The following KCNIP4 variants were observed in gnomAD, a reference collection of about 807,000 sequenced individuals.
KCNIP4 encodes the protein Kv channel-interacting protein 4.
Under a neutral mutation model 34.0 loss-of-function variants are expected in KCNIP4, and 12 were observed. That is an observed-to-expected ratio of 0.35 (90% CI 0.23 to 0.57). The LOEUF (loss-of-function observed/expected upper bound fraction) is 0.57. Ranked by LOEUF, KCNIP4 falls within the 20% of genes least tolerant of loss-of-function variation. KCNIP4 has a pLI of 0.83. For missense variants in KCNIP4, 238 were observed against 311.7 expected, an observed-to-expected ratio of 0.76 and a Z score of 1.78; for synonymous variants, 124 against 102.2, an observed-to-expected ratio of 1.21 and a Z score of -1.29.
intron 1 of KCNIP4, among the ~76,000 whole-genome samples, chr4:21,877,558 C>T (rs1018870074): frequency 2.5e-4 from 38 of 152,110 alleles, no homozygotes; most frequent in African/African-American, 8.9e-4. Context: ...GTCTCTCCTC[C>T]TAATTTCCCT....
At chr4:20,731,984 T>G in intron 8 of KCNIP4, 22 bp downstream of exon 8, 2 of 1,612,752 alleles carry the variant, frequency 1.2e-6, no homozygotes, top group Non-Finnish European at 1.7e-6. Flanking sequence ...GAATTGATAG[T>G]TATTACACTT....
chr4:20,786,073 G>A (rs1711946494), intron 3 of KCNIP4, among the ~76,000 whole-genome samples: 1 of 151,974 alleles, frequency 6.6e-6, no homozygotes, highest in South Asian at 2.1e-4. Flanking sequence ...GGTGAATTGG[G>A]TAAAGAAAAT....
chr4:21,224,996 T>C (rs1306948929), intron 1 of KCNIP4, among the ~76,000 whole-genome samples: 2 of 152,190 alleles, frequency 1.3e-5, no homozygotes, highest in Admixed American at 1.3e-4. Flanking sequence ...ATAGACCTTG[T>C]GTTACATCAT....
At chr4:21,222,772 A>C (rs530448798) in intron 1 of KCNIP4, among the ~76,000 whole-genome samples, 1 of 152,110 alleles carries the variant, frequency 6.6e-6, no homozygotes, top group Non-Finnish European at 1.5e-5. Context: ...ACTTAACACA[A>C]TTTTTAACAG....
rs1479429591 is a variant in KCNIP4, at chr4:21,109,464, A to C, written c.62-226755T>G. Among the ~76,000 whole-genome samples, 6 of 152,176 alleles carry C rather than the reference A, an allele frequency of 3.9e-5. No individual in the cohort carries two copies. In the South Asian group the frequency reaches 1.2e-3, roughly 31 times the overall value. ...TTTAAGCCCGTCAGAAAAGCACAGT[A>C]TTAGGGTGGGAGTGACCCGATTTTC... On this transcript the variant is annotated intron_variant, in intron 1 of 8. Transcript: ENST00000382152.
At chr4:20,886,610 G>A (rs1294441673) in intron 1 of KCNIP4, among the ~76,000 whole-genome samples, 2 of 152,182 alleles carry the variant, frequency 1.3e-5, no homozygotes, top group African/African-American at 4.8e-5. Flanking sequence ...TTCTAGCCCT[G>A]CCAGCCTTCC....
Position 21,343,344 on chromosome 4 carries a change from G to GA in KCNIP4, c.62-460636dup, listed in dbSNP as rs776427816. On this transcript the variant is annotated intron_variant, in intron 1 of 8. Transcript: ENST00000382152. ...GATACTACTTAAAAAAGGAAAGAGAGAAAAAAAATAAGAAAAAGTGAGGAG... is the reference window on the plus strand; with the variant it reads ...GATACTACTTAAAAAAGGAAAGAGAGAAAAAAAAATAAGAAAAAGTGAGGAG... Among the ~76,000 whole-genome samples the GA allele has an allele frequency of 1.4e-4, 22 of 151,750 alleles. No individual in the cohort carries two copies. The East Asian group carries it at 2.7e-3, about 19-fold the overall frequency.
intron 1 of KCNIP4, among the ~76,000 whole-genome samples, chr4:21,936,838 T>C (rs1354933526): frequency 1.3e-5 from 2 of 152,070 alleles, no homozygotes; most frequent in Non-Finnish European, 2.9e-5. Flanking sequence ...ATGGGCCTTC[T>C]ACATGCCAGT....
chr4:20,858,258 A>AATGTGGGC (rs994890171), intron 2 of KCNIP4, among the ~76,000 whole-genome samples: 3 of 148,110 alleles, frequency 2.0e-5, no homozygotes, highest in African/African-American at 7.4e-5. Flanking sequence ...AGACACGAGG[A>AATGTGGGC]ATGTGGGCTT....
At chr4:21,282,710 A>G (rs926523240) in intron 1 of KCNIP4, among the ~76,000 whole-genome samples, 17 of 152,118 alleles carry the variant, frequency 1.1e-4, no homozygotes, top group African/African-American at 3.6e-4. Flanking sequence ...GTGCTGGCAA[A>G]TTGTGCTGTT....
intron 1 of KCNIP4, among the ~76,000 whole-genome samples, chr4:21,417,211 G>T (rs1481299210): frequency 6.6e-6 from 1 of 151,884 alleles, no homozygotes. Flanking sequence ...ATAAGGTCGT[G>T]CAGAGCACAA....
chr4:20,794,177 C>T (rs918960952), intron 3 of KCNIP4, among the ~76,000 whole-genome samples: 1 of 152,156 alleles, frequency 6.6e-6, no homozygotes, highest in Admixed American at 6.5e-5. Context: ...TTCCCAGTCT[C>T]GGGTATATCT....
intron 3 of KCNIP4, among the ~76,000 whole-genome samples, chr4:20,771,057 T>C (rs1280898408): frequency 6.6e-6 from 1 of 152,168 alleles, no homozygotes; most frequent in Non-Finnish European, 1.5e-5. Flanking sequence ...TGGGAGGATG[T>C]ATAGGTTATA....
At chr4:20,956,953 C>T (rs755539985) in intron 1 of KCNIP4, among the ~76,000 whole-genome samples, 19 of 152,034 alleles carry the variant, frequency 1.2e-4, no homozygotes, top group Non-Finnish European at 1.9e-4. Flanking sequence ...GTTCACTTAG[C>T]CTCACAATTC....
At chr4:21,073,400 T>G (rs187095408) in intron 1 of KCNIP4, among the ~76,000 whole-genome samples, 2,970 of 152,286 alleles carry the variant, frequency 0.02, 54 homozygotes, top group Non-Finnish European at 0.026. Context: ...TTATTCTCTT[T>G]GAAGCAATTG....
At chr4:21,174,780 C>T (rs1754278321) in intron 1 of KCNIP4, among the ~76,000 whole-genome samples, 1 of 152,024 alleles carries the variant, frequency 6.6e-6, no homozygotes, top group Admixed American at 6.6e-5. Context: ...TGGTGCATGC[C>T]TGTAATCCCA....
intron 1 of KCNIP4, among the ~76,000 whole-genome samples, chr4:21,615,205 T>A (rs1488526898): frequency 6.6e-6 from 1 of 151,574 alleles, no homozygotes. Flanking sequence ...AAGAAAAAAA[T>A]AATGATTAGA....
chr4:21,060,665 G>C (rs903720792), intron 1 of KCNIP4, among the ~76,000 whole-genome samples: 36 of 152,122 alleles, frequency 2.4e-4, no homozygotes, highest in Non-Finnish European at 4.9e-4. Context: ...GAATAGTTAA[G>C]AAGTAATGGG....
intron 1 of KCNIP4, among the ~76,000 whole-genome samples, chr4:21,443,317 G>C (rs1402313717): frequency 6.6e-6 from 1 of 152,060 alleles, no homozygotes; most frequent in African/African-American, 2.4e-5. Context: ...CCCTCCCTCT[G>C]TGTGAATGTA....
Sources: gnomAD v4.1 joint callset for allele counts (sites outside exome capture counted in the v4.1 genomes callset) on GRCh38, gnomAD v4.1.1 for gene constraint, MANE v1.5 for transcripts, NCBI Gene and HGNC (gene_info 2026-07-23, HGNC 2026-07-21) for gene names.